SPACDR: variants seen among roughly 807,000 people sequenced by gnomAD.
The protein encoded by SPACDR is sperm acrosome developmental regulator.
At chr7:100,461,325 C>T in the SPACDR span, among the ~76,000 whole-genome samples, 202 of 152,144 alleles carry the variant, frequency 1.3e-3, 1 homozygote, top group African/African-American at 4.8e-3. Context: ...GGTGATCCAC[C>T]TGCCTCAGTG....
the SPACDR span, among the ~76,000 whole-genome samples, chr7:100,457,702 C>A: frequency 1.4e-5 from 2 of 146,498 alleles, no homozygotes; most frequent in Non-Finnish European, 3.0e-5. Flanking sequence ...CTCACTGCAA[C>A]CTCCACCTCC....
the SPACDR span, among the ~76,000 whole-genome samples, chr7:100,460,579 G>A: frequency 6.6e-6 from 1 of 150,518 alleles, no homozygotes; most frequent in Non-Finnish European, 1.5e-5. Flanking sequence ...GAGAGAGTGA[G>A]ACTCCATCAT....
At chr7:100,457,853 A>ATT in the SPACDR span, among the ~76,000 whole-genome samples, 629 of 47,330 alleles carry the variant, frequency 0.013, 36 homozygotes, top group African/African-American at 0.049. Flanking sequence ...ATATATATAT[A>ATT]TATATTTTTT....
At chr7:100,457,258 T>C in the SPACDR span, among the ~76,000 whole-genome samples, 2 of 150,532 alleles carry the variant, frequency 1.3e-5, no homozygotes, top group Non-Finnish European at 3.0e-5. Flanking sequence ...CTGCCTTGGC[T>C]TCCCAAAGTG....
At chr7:100,457,765 C>A in the SPACDR span, among the ~76,000 whole-genome samples, 1 of 147,414 alleles carries the variant, frequency 6.8e-6, no homozygotes, top group African/African-American at 2.5e-5. Context: ...GGACTACAGT[C>A]GTGCACCACC....
chr7:100,464,012 A>G, the SPACDR span: 2 of 1,573,182 alleles, frequency 1.3e-6, no homozygotes, highest in South Asian at 1.1e-5. Context: ...GAAGAACTTC[A>G]TGACCACAAC....
the SPACDR span, chr7:100,463,592 A>G: frequency 1.2e-6 from 2 of 1,613,936 alleles, no homozygotes; most frequent in South Asian, 2.2e-5. Context: ...AGTCTCAACC[A>G]CCTGGAGAGT....
At chr7:100,464,196 C>A in the SPACDR span, 7 of 1,476,914 alleles carry the variant, frequency 4.7e-6, no homozygotes, top group Non-Finnish European at 6.3e-6. Flanking sequence ...GGGGGAAGCC[C>A]CTCCTGGCAA....
chr7:100,457,082 G>T, the SPACDR span: 1 of 760,236 alleles, frequency 1.3e-6, no homozygotes, highest in Non-Finnish European at 2.1e-6. Flanking sequence ...AGGGCTCCCT[G>T]ATTCCACCTC....
At chr7:100,463,265 C>T in the SPACDR span, 4 of 1,036,522 alleles carry the variant, frequency 3.9e-6, no homozygotes, top group Non-Finnish European at 4.2e-6. Context: ...TGAGTCACTG[C>T]ACCAGGCCAG....
At chr7:100,457,801 A>ATGTGTG in the SPACDR span, among the ~76,000 whole-genome samples, 2,446 of 73,922 alleles carry the variant, frequency 0.033, 70 homozygotes, top group African/African-American at 0.058. Context: ...TTATATATAT[A>ATGTGTG]TATGTGTGTG....
the SPACDR span, among the ~76,000 whole-genome samples, chr7:100,457,288 G>A: frequency 1.3e-5 from 2 of 151,128 alleles, no homozygotes; most frequent in African/African-American, 2.4e-5. Flanking sequence ...ACAGGCGTGA[G>A]GCATCACACC....
chr7:100,463,257 A>T, the SPACDR span: 1 of 929,076 alleles, frequency 1.1e-6, no homozygotes, highest in Non-Finnish European at 1.6e-6. Flanking sequence ...TACAGGCGTG[A>T]GTCACTGCAC....
At chr7:100,464,113 G>A in the SPACDR span, 1 of 1,542,562 alleles carries the variant, frequency 6.5e-7, no homozygotes, top group Non-Finnish European at 8.7e-7. Flanking sequence ...GTGGGCTGTG[G>A]GCCGGTGACC....
chr7:100,457,141 G>C, the SPACDR span, among the ~76,000 whole-genome samples: 1 of 151,478 alleles, frequency 6.6e-6, no homozygotes, highest in Admixed American at 6.6e-5. Flanking sequence ...GCCTTCTCAG[G>C]TTGCATCAAA....
chr7:100,463,892 A>G, the SPACDR span: 1 of 1,518,670 alleles, frequency 6.6e-7, no homozygotes, highest in Non-Finnish European at 9.0e-7. Flanking sequence ...GAACCCACGC[A>G]GTAAGGGGCT....
the SPACDR span, among the ~76,000 whole-genome samples, chr7:100,461,814 C>G: frequency 6.6e-6 from 1 of 151,652 alleles, no homozygotes; most frequent in Admixed American, 6.6e-5. Flanking sequence ...ACAGTGAAAC[C>G]CTGCCTCTAC....
chr7:100,463,449 G>A, the SPACDR span: 4 of 1,613,704 alleles, frequency 2.5e-6, no homozygotes, highest in East Asian at 8.9e-5. Flanking sequence ...GGCAGCTGCA[G>A]TAGGGATTGG....
the SPACDR span, among the ~76,000 whole-genome samples, chr7:100,459,246 G>A: frequency 6.6e-6 from 1 of 151,276 alleles, no homozygotes; most frequent in African/African-American, 2.4e-5. Flanking sequence ...TCCTGACCTC[G>A]AGATCCGCCT....
Sources: gnomAD v4.1 joint callset for allele counts (sites outside exome capture counted in the v4.1 genomes callset) on GRCh38, gnomAD v4.1.1 for gene constraint, MANE v1.5 for transcripts, NCBI Gene and HGNC (gene_info 2026-07-23, HGNC 2026-07-21) for gene names.